PNKP: variants seen among roughly 807,000 people sequenced by gnomAD.
PNKP encodes polynucleotide kinase 3'-phosphatase.
PNKP carries 82 observed loss-of-function variants against 66.2 expected under a neutral mutation model. The observed-to-expected ratio is 1.24, with a 90% CI of 1.04 to 1.49. PNKP has a LOEUF of 1.49. Among genes scored for constraint, PNKP ranks in the 40% most tolerant of loss-of-function variants. The pLI is 0.00. For synonymous variants in PNKP, 412 were observed against 298.9 expected, an observed-to-expected ratio of 1.38 and a Z score of -3.90; for missense variants, 907 against 706.8, an observed-to-expected ratio of 1.28 and a Z score of -3.21.
chr19:49,867,564 G>A lies in PNKP; in HGVS notation c.-109C>T, dbSNP rs1272589269. On this transcript the variant is annotated 5_prime_UTR_variant, in exon 1 of 17. Coordinates refer to ENST00000322344, the MANE Select transcript of PNKP (RefSeq NM_007254.4). ...CCCGGCCGGCGGCGGTCGGTTCCTC[G>A]GCGGACGGAAATGACTCGTCCCCTC... The A allele has an allele frequency of 1.5e-5, 3 of 196,448 alleles. No individual in the cohort carries two copies. The highest frequency in any genetic ancestry group is 8.6e-5 in the African/African-American group (2 of 23,244). The allele number at this position is 196,448 out of a possible 1,614,324, so 12.2% of individuals were successfully genotyped here. A position where few individuals can be genotyped will look rare whatever the true frequency, so the allele number is the denominator to read the frequency against.
chr19:49,865,913 G>A, intron 3 of PNKP: 1 of 192,604 alleles, frequency 5.2e-6, no homozygotes, highest in South Asian at 7.7e-5. Flanking sequence ...GCGCCTGGCC[G>A]CCTTGTCCAA....
rs1568659914 is a variant in PNKP at position 49,862,270 on chromosome 19, G to A, written c.1041C>T (p.Ser347=). 4.4e-6 allele frequency: 7 copies of A among 1,600,810 alleles called. No individual in the cohort carries two copies. The highest frequency in any genetic ancestry group is 6.0e-6 in the Non-Finnish European group (7 of 1,174,112). The change falls in exon 12 of 17, where the codon TCC becomes TCT. Residue 347 remains serine (S), a synonymous_variant. Coordinates refer to ENST00000322344, the MANE Select transcript of PNKP (RefSeq NM_007254.4). ...CGGGGAGGCAGAGAGGCCCTGAGCG[G>A]GAGACAGTCCTCTGCGAGGGGCGGG... The part of the protein sequence containing the change: ...ELPAFDPRTV[S]RSGPLCLPES...
chr19:49,866,569 G>C (rs1380040126), intron 2 of PNKP, 124 bp from the exon 3 acceptor site: 3 of 907,586 alleles, frequency 3.3e-6, no homozygotes, highest in Non-Finnish European at 5.5e-6. Context: ...ATTTCTACAT[G>C]GGATTGGCTC....
rs761732328 is a variant in PNKP, at chr19:49,861,708, G to A, written c.1299-13C>T. 1.3e-6 allele frequency: 2 copies of A among 1,548,592 alleles called. No individual in the cohort carries two copies. Among genetic ancestry groups the A allele is most frequent in the Non-Finnish European group, 1.7e-6 (2 of 1,146,460 alleles). ...ACACTGGACGTACCTGTGGGGGAAG[G>A]AGCTGGATGTGCAGGCCCCGCCCAC... On this transcript the variant is annotated splice_polypyrimidine_tract_variant and intron_variant, in intron 14 of 16. Coordinates refer to ENST00000322344, the MANE Select transcript of PNKP (RefSeq NM_007254.4).
In PNKP at chr19:49,861,337, C is replaced by T. The variant is rs1488577824; in HGVS notation, c.1477G>A (p.Glu493Lys). Reference protein sequence around the residue: ...RKQFEAPTLAEGFSAILEIPF... With the variant: ...RKQFEAPTLAKGFSAILEIPF... ...ATCTCCAGGATGGCAGAGAAGCCTTCAGCCAGCGTTGGGGCCTCGAACTGC... is the reference window on the plus strand; with the variant it reads ...ATCTCCAGGATGGCAGAGAAGCCTTTAGCCAGCGTTGGGGCCTCGAACTGC... The change falls in exon 17 of 17, where the codon GAA (glutamate) becomes AAA (lysine). Residue 493 changes from glutamate to lysine, a missense_variant. Transcript: ENST00000322344. The T allele has an allele frequency of 2.5e-6, 4 of 1,614,068 alleles. No individual in the cohort carries two copies. Among genetic ancestry groups the T allele is most frequent in the African/African-American group, 1.3e-5 (1 of 74,922 alleles).
intron 11 of PNKP, 30 bp downstream of exon 11, chr19:49,862,341 C>T (rs1879632246): frequency 2.0e-6 from 2 of 988,154 alleles, no homozygotes; most frequent in Admixed American, 2.0e-5. Context: ...CCCTCCCATC[C>T]CCACCCCCAC....
At chr19:49,862,322 C>T (rs2074779064) in intron 11 of PNKP, 41 bp from the exon 12 acceptor site, 2 of 1,539,380 alleles carry the variant, frequency 1.3e-6, no homozygotes, top group South Asian at 1.2e-5. Flanking sequence ...CCGTCCCCAT[C>T]CCCGGGAGCC....
rs766512638 is a variant in PNKP at position 49,864,237 on chromosome 19, C to T, written c.579-1G>A. 1 of 1,614,152 alleles carries T rather than the reference C, an allele frequency of 6.2e-7. No individual in the cohort carries two copies. The highest frequency in any genetic ancestry group is 1.1e-5 in the South Asian group (1 of 91,086). On this transcript the variant is annotated splice_acceptor_variant, in intron 5 of 16. Coordinates refer to ENST00000322344, the MANE Select transcript of PNKP (RefSeq NM_007254.4). LOFTEE classifies it high-confidence loss of function. The stretch of plus-strand genomic sequence containing the variant: ...ACGGGGAATCTCTGGGTACAAGATC[C>T]TACGGCAGGTATGAAGCGGCAGGGG...
chr19:49,866,237 C>G (rs1257889589), intron 3 of PNKP, 162 bp downstream of exon 3: 1 of 723,652 alleles, frequency 1.4e-6, no homozygotes, highest in African/African-American at 1.8e-5. Context: ...TGGGTTCAAG[C>G]GATCCGCCCG....
intron 3 of PNKP, 154 bp downstream of exon 3, chr19:49,866,245 C>T (rs2074819074): frequency 6.5e-6 from 5 of 764,554 alleles, no homozygotes; most frequent in Non-Finnish European, 1.2e-5. Flanking sequence ...AGCGATCCGC[C>T]CGCCTCGGCC....
chr19:49,863,117 T>G (rs1359080850), intron 8 of PNKP, among the ~76,000 whole-genome samples: 4 of 152,194 alleles, frequency 2.6e-5, no homozygotes, highest in Non-Finnish European at 5.9e-5. Context: ...GCCAGCCGCA[T>G]GGGCCTCGCT....
At chr19:49,864,292 C>A in intron 5 of PNKP, 32 bp downstream of exon 5, 3 of 1,611,412 alleles carry the variant, frequency 1.9e-6, no homozygotes, top group Non-Finnish European at 2.5e-6. Context: ...GACTCCAGGC[C>A]TCACTCACTC....
chr19:49,861,704 G>T lies in PNKP; in HGVS notation c.1299-9C>A, dbSNP rs1055654261. The T allele has an allele frequency of 6.5e-7, 1 of 1,548,428 alleles. No homozygotes were observed. Among genetic ancestry groups the T allele is most frequent in the East Asian group, 2.4e-5 (1 of 40,888 alleles). On this transcript the variant is annotated splice_polypyrimidine_tract_variant and intron_variant, in intron 14 of 16. Coordinates refer to ENST00000322344, the MANE Select transcript of PNKP (RefSeq NM_007254.4). ...GGGCACACTGGACGTACCTGTGGGG[G>T]AAGGAGCTGGATGTGCAGGCCCCGC...
chr19:49,867,225 G>A lies in PNKP; in HGVS notation c.-13-8C>T, dbSNP rs561195653. On this transcript the variant is annotated splice_polypyrimidine_tract_variant and splice_region_variant and intron_variant, in intron 1 of 16. Coordinates refer to ENST00000322344, the MANE Select transcript of PNKP (RefSeq NM_007254.4). ...CCCATCCTGGGTGCCGGCCTGGGGA[G>A]CAGGTAAACGGGCTTGAGCGGCGCA... The A allele has an allele frequency of 3.6e-5, 58 of 1,603,828 alleles. No individual in the cohort carries two copies. The highest frequency in any genetic ancestry group is 3.8e-4 in the Middle Eastern group (2 of 5,322).
chr19:49,861,852 C>A lies in PNKP; in HGVS notation c.1218G>T (p.Val406=), dbSNP rs1296985283. ...GCTTCAGGGCTGTCTCACACGTGGT[C>A]ACACAGCGCTGCCAGGAGCCTAGCG... ...RDTLGSWQRC[V]TTCETALKQG... The change falls in exon 14 of 17, where the codon GTG becomes GTT. Residue 406 remains valine, a synonymous_variant. Coordinates refer to ENST00000322344, the MANE Select transcript of PNKP (RefSeq NM_007254.4). 1 of 1,593,910 alleles carries A rather than the reference C, an allele frequency of 6.3e-7. No individual in the cohort carries two copies. Among genetic ancestry groups the A allele is most frequent in the South Asian group, 1.1e-5 (1 of 89,078 alleles).
intron 13 of PNKP, 40 bp downstream of exon 13, chr19:49,862,004 A>ACTT: frequency 6.2e-7 from 1 of 1,611,052 alleles, no homozygotes; most frequent in Non-Finnish European, 8.5e-7. Flanking sequence ...GGAGATGGGA[A>ACTT]CTTTATAATA....
At chr19:49,861,389 G>C (rs761202777) in intron 16 of PNKP, 24 bp from the exon 17 acceptor site, 2 of 1,613,840 alleles carry the variant, frequency 1.2e-6, no homozygotes, top group East Asian at 4.5e-5. Flanking sequence ...GAACAGTGAG[G>C]GACAGCCTGG....
intron 3 of PNKP, 143 bp from the exon 4 acceptor site, chr19:49,865,569 G>T: frequency 1.6e-6 from 1 of 616,228 alleles, no homozygotes; most frequent in Non-Finnish European, 2.9e-6. Flanking sequence ...ACGGGCTTTG[G>T]AACGGTTACA....
chr19:49,863,001 C>T (rs1721877270), intron 8 of PNKP, among the ~76,000 whole-genome samples: 1 of 152,128 alleles, frequency 6.6e-6, no homozygotes, highest in African/African-American at 2.4e-5. Context: ...ACCCACCCTG[C>T]TACAGCTCCA....
Sources: allele counts gnomAD v4.1 joint callset (sites outside exome capture counted in the v4.1 genomes callset), GRCh38; gene constraint gnomAD v4.1.1; transcripts MANE v1.5; gene names NCBI Gene and HGNC (gene_info 2026-07-23, HGNC 2026-07-21).